KIFBP: variants seen among roughly 807,000 people sequenced by gnomAD.
KIFBP encodes the protein kinesin family binding protein, also known as KIF-binding protein.
In KIFBP, 46 loss-of-function variants were observed where a neutral mutation model predicts 58.9. The observed-to-expected ratio is 0.78, with a 90% CI of 0.62 to 1.00. The LOEUF (loss-of-function observed/expected upper bound fraction) is 1.00, where lower values mean the gene tolerates loss of function less well. Ranked by LOEUF, KIFBP falls within the 50% of genes least tolerant of loss-of-function variation. The pLI, the probability that KIFBP is intolerant of heterozygous loss-of-function variation, is 0.00. For missense variants in KIFBP, 651 were observed against 752.9 expected, an observed-to-expected ratio of 0.86 and a Z score of 1.58; for synonymous variants, 241 against 283.4, an observed-to-expected ratio of 0.85 and a Z score of 1.50.
At chr10:69,014,031 G>A (rs996276082) in intron 6 of KIFBP, among the ~76,000 whole-genome samples, 3 of 152,170 alleles carry the variant, frequency 2.0e-5, no homozygotes, top group Non-Finnish European at 4.4e-5. Flanking sequence ...GATTACAGGT[G>A]TGAGCCACTG....
At chr10:68,994,533 T>A (rs1264880976) in intron 1 of KIFBP, among the ~76,000 whole-genome samples, 1 of 152,164 alleles carries the variant, frequency 6.6e-6, no homozygotes, top group Admixed American at 6.6e-5. Flanking sequence ...TTATCTGGTA[T>A]TCCTTCTGAT....
chr10:69,008,967 G>C, intron 5 of KIFBP, 42 bp downstream of exon 5: 1 of 1,497,976 alleles, frequency 6.7e-7, no homozygotes. Flanking sequence ...TTTAAAAAAA[G>C]TTTTATTTTG....
intron 1 of KIFBP, among the ~76,000 whole-genome samples, chr10:68,990,365 TAAACA>T (rs573105098): frequency 1.3e-4 from 19 of 151,584 alleles, no homozygotes; most frequent in African/African-American, 1.2e-4. Flanking sequence ...CTCTGTCTCT[TAAACA>T]AAACAAAACA....
At chr10:69,013,948 A>G (rs375308947) in intron 6 of KIFBP, among the ~76,000 whole-genome samples, 2 of 152,062 alleles carry the variant, frequency 1.3e-5, no homozygotes, top group African/African-American at 4.8e-5. Context: ...ACGATGTTTT[A>G]CCATGTTGCC....
chr10:68,991,522 G>T (rs1047818433), intron 1 of KIFBP: 2 of 437,216 alleles, frequency 4.6e-6, no homozygotes, highest in African/African-American at 2.0e-5. Flanking sequence ...GACATGCACT[G>T]GTCCAGAAGC....
chr10:69,014,653 T>G (rs1306176512), intron 6 of KIFBP, among the ~76,000 whole-genome samples: 1 of 148,532 alleles, frequency 6.7e-6, no homozygotes, highest in African/African-American at 2.4e-5. Context: ...TATTTATTTT[T>G]ATTGGCCAAG....
intron 6 of KIFBP, among the ~76,000 whole-genome samples, chr10:69,014,690 CTTAG>C (rs1158963571): frequency 6.9e-6 from 1 of 145,452 alleles, no homozygotes; most frequent in African/African-American, 2.5e-5. Flanking sequence ...TCTTAACCAC[CTTAG>C]TTATTCTTTC....
rs1358806567 is a variant in KIFBP at position 68,989,121 on chromosome 10, A to G, written c.289A>G (p.Ile97Val). ...CCAGCGAGCGGTGAGGCTGGCAGTC[A>G]TCGAGTTCCACCTCGGGGTGAACCA... Reference protein sequence around the residue: ...VAQRAVRLAVIEFHLGVNHID... With the variant: ...VAQRAVRLAVVEFHLGVNHID... Residue 97 changes from isoleucine (I) to valine (V), a missense_variant, in exon 1 of 7, where the codon ATC (isoleucine) becomes GTC (valine). Ile to Val is a conservative substitution (Grantham distance 29). Coordinates refer to ENST00000361983, the MANE Select transcript of KIFBP (RefSeq NM_015634.4). 11 of 1,611,098 alleles carry G rather than the reference A, an allele frequency of 6.8e-6. No homozygotes were observed. The highest frequency in any genetic ancestry group is 3.3e-5 in the South Asian group (3 of 90,884).
At chr10:68,997,538 A>C (rs999942200) in intron 1 of KIFBP, among the ~76,000 whole-genome samples, 7 of 151,870 alleles carry the variant, frequency 4.6e-5, no homozygotes, top group Admixed American at 1.3e-4. Flanking sequence ...CCCCAGCCAT[A>C]CCTCCTGTAC....
At position 68,989,062 on chromosome 10, in the gene KIFBP, C is replaced by G. The variant is rs755612919; in HGVS notation, c.230C>G (p.Pro77Arg). The stretch of plus-strand genomic sequence containing the variant: ...GCCGGTGACCACGCCCTGGGGCTGC[C>G]GGCTGAGGTGGTGGAGCCCGAGGGG... ...PGAGDHALGL[P>R]AEVVEPEGPV... is the part of the protein sequence containing the mutation. The change falls in exon 1 of 7, where the codon CCG (proline) becomes CGG (arginine). Residue 77 changes from proline (P) to arginine (R), a missense_variant. Transcript: ENST00000361983. The G allele has an allele frequency of 4.3e-6, 7 of 1,612,512 alleles. No individual in the cohort carries two copies. The highest frequency in any genetic ancestry group is 1.7e-5 in the Admixed American group (1 of 59,920).
chr10:68,993,433 G>T (rs1843372201), intron 1 of KIFBP, among the ~76,000 whole-genome samples: 1 of 152,066 alleles, frequency 6.6e-6, no homozygotes. Flanking sequence ...TCACCCATGA[G>T]AATTAGGTAT....
intron 1 of KIFBP, among the ~76,000 whole-genome samples, chr10:68,998,890 C>T (rs1843434946): frequency 6.7e-6 from 1 of 149,476 alleles, no homozygotes; most frequent in African/African-American, 2.5e-5. Context: ...ATTCTTCTGC[C>T]TCAGCCTCCC....
intron 1 of KIFBP, 123 bp from the exon 2 acceptor site, chr10:69,000,301 T>C (rs879771107): frequency 9.8e-6 from 7 of 712,752 alleles, no homozygotes; most frequent in Non-Finnish European, 1.8e-5. Context: ...TGTGAATAAT[T>C]AATTCATTGG....
chr10:69,005,952 A>G lies in KIFBP; in HGVS notation c.789+37A>G, dbSNP rs1339828721. ...GAAGTAGTTATCTAACAGAGTACCA[A>G]TAGTGAGTATAAAAATAGAACCAGT... On this transcript the variant is annotated intron_variant, in intron 4 of 6. Transcript: ENST00000361983. 3.2e-6 allele frequency: 5 copies of G among 1,555,458 alleles called. No individual in the cohort carries two copies. The African/African-American group carries it at 5.4e-5, about 17-fold the overall frequency.
In KIFBP at chr10:69,015,896, G is replaced by C. The variant is rs201404470; in HGVS notation, c.1346G>C (p.Arg449Pro). The change falls in exon 7 of 7, where the codon CGC becomes CCC. Residue 449 changes from arginine to proline, a missense_variant. By Grantham distance (103) the Arg-to-Pro change is moderately radical (BLOSUM62 -2). Transcript: ENST00000361983. ...GAGAGACGGTGCAAGATGCATAAACGCAGAATAGCCATGCTAGAGCCCCTA... is the reference window on the plus strand; with the variant it reads ...GAGAGACGGTGCAAGATGCATAAACCCAGAATAGCCATGCTAGAGCCCCTA... ...DMERRCKMHKRRIAMLEPLTV... is the reference protein window; with the variant it reads ...DMERRCKMHKPRIAMLEPLTV... The C allele has an allele frequency of 6.2e-7, 1 of 1,614,100 alleles. No individual in the cohort carries two copies. Among genetic ancestry groups the C allele is most frequent in the Non-Finnish European group, 8.5e-7 (1 of 1,180,036 alleles).
chr10:69,011,282 A>C (rs1261093061), intron 6 of KIFBP: 5 of 334,664 alleles, frequency 1.5e-5, no homozygotes, highest in Admixed American at 8.6e-5. Flanking sequence ...AAATAAATAA[A>C]TAAAATAAAT....
At chr10:69,012,920 G>C (rs1348053088) in intron 6 of KIFBP, among the ~76,000 whole-genome samples, 1 of 151,970 alleles carries the variant, frequency 6.6e-6, no homozygotes, top group African/African-American at 2.4e-5. Flanking sequence ...GAAGAAAAGA[G>C]GTTAATTGAC....
chr10:68,989,237 C>T lies in KIFBP; in HGVS notation c.405C>T (p.Ile135=), dbSNP rs143950359. The T allele has an allele frequency of 9.3e-6, 15 of 1,613,304 alleles. No individual in the cohort carries two copies. Among genetic ancestry groups the T allele is most frequent in the Non-Finnish European group, 9.3e-6 (11 of 1,179,810 alleles). ...LRRYRLSHDC[I]SLCIQAQNNL... ...GGTACCGGCTCTCGCACGACTGCATCTCTCTCTGCATCCAGGCGCAGGTGA... is the reference window on the plus strand; with the variant it reads ...GGTACCGGCTCTCGCACGACTGCATTTCTCTCTGCATCCAGGCGCAGGTGA... The change falls in exon 1 of 7, where the codon ATC becomes ATT. Residue 135 remains isoleucine (I), a synonymous_variant. Transcript: ENST00000361983.
At position 69,015,641 on chromosome 10, in the gene KIFBP, A is replaced by G; in HGVS notation, c.1091A>G (p.Gln364Arg). ...EEESIRKKAV[Q>R]FGTGELCDAI... ...GAAAGCATTCGGAAAAAAGCTGTGC[A>G]GTTTGGAACCGGTGAACTGTGTGAT... is the stretch of plus-strand genomic sequence containing the variant. The change falls in exon 7 of 7, where the codon CAG becomes CGG. Residue 364 changes from glutamine (Q) to arginine (R), a missense_variant. Physicochemically the swap from Gln to Arg is conservative, Grantham distance 43. Transcript: ENST00000361983. 1.9e-6 allele frequency: 3 copies of G among 1,614,124 alleles called. No homozygotes were observed. The highest frequency in any genetic ancestry group is 2.5e-6 in the Non-Finnish European group (3 of 1,180,010).
Sources: gnomAD v4.1 joint callset for allele counts (sites outside exome capture counted in the v4.1 genomes callset) on GRCh38, gnomAD v4.1.1 for gene constraint, MANE v1.5 for transcripts, NCBI Gene and HGNC (gene_info 2026-07-23, HGNC 2026-07-21) for gene names.